The following KCNH8 variants were observed in gnomAD, a reference collection of about 807,000 sequenced individuals.
KCNH8 encodes potassium voltage-gated channel subfamily H member 8.
Under a neutral mutation model 103.6 loss-of-function variants are expected in KCNH8, and 70 were observed. The observed-to-expected ratio is 0.68, with a 90% CI of 0.56 to 0.82. The LOEUF (loss-of-function observed/expected upper bound fraction) is 0.82, where lower values mean the gene tolerates loss of function less well. Among genes scored for constraint, KCNH8 ranks in the 40% least tolerant of loss-of-function variants. The pLI is 0.00. For missense variants in KCNH8, 1,217 were observed against 1,329.9 expected (o/e 0.92, Z 1.32); for synonymous variants, 498 against 489.4 (o/e 1.02, Z -0.23).
intron 3 of KCNH8, 56 bp downstream of exon 3, chr3:19,281,385 A>G: frequency 1.3e-6 from 2 of 1,492,068 alleles, no homozygotes; most frequent in Non-Finnish European, 1.8e-6. Context: ...GAAATTGTTT[A>G]CTTAAAAACT....
chr3:19,429,680 T>C (rs1049418126), intron 7 of KCNH8, among the ~76,000 whole-genome samples: 5 of 152,190 alleles, frequency 3.3e-5, no homozygotes, highest in Admixed American at 6.5e-5. Context: ...ACCCAGGTAT[T>C]AAGCCTAGTA....
chr3:19,483,442 GC>G (rs750726537), intron 11 of KCNH8, among the ~76,000 whole-genome samples: 25 of 152,100 alleles, frequency 1.6e-4, no homozygotes, highest in South Asian at 1.2e-3. Context: ...AATAATTGAG[GC>G]TTTTAGGACT....
intron 3 of KCNH8, among the ~76,000 whole-genome samples, chr3:19,330,878 G>T (rs1413013178): frequency 6.6e-6 from 1 of 152,006 alleles, no homozygotes; most frequent in Non-Finnish European, 1.5e-5. Flanking sequence ...CTAGTTTTTT[G>T]AACTACCTTT....
intron 3 of KCNH8, among the ~76,000 whole-genome samples, chr3:19,295,583 A>G (rs945785637): frequency 4.6e-5 from 7 of 152,124 alleles, no homozygotes; most frequent in African/African-American, 1.4e-4. Context: ...TGATACTGTC[A>G]TGGATGATAA....
rs961360968 is a variant in KCNH8, at chr3:19,436,315, C to T, written c.1178-1849C>T. Reference sequence around the variant, plus strand: ...AAAAATTTGAGCAGAAACAGGCTGTCCTAGGACATCCTTTCCTTTAGAGAC... The same window carrying T: ...AAAAATTTGAGCAGAAACAGGCTGTTCTAGGACATCCTTTCCTTTAGAGAC... On this transcript the variant is annotated intron_variant, in intron 7 of 15. Coordinates refer to ENST00000328405, the MANE Select transcript of KCNH8 (RefSeq NM_144633.3). 9.2e-5 allele frequency among the ~76,000 whole-genome samples: 14 copies of T among 152,014 alleles called. 1 individual carries two copies. Among genetic ancestry groups the T allele is most frequent in the African/African-American group, 3.4e-4 (14 of 41,398 alleles).
chr3:19,419,268 C>T (rs1474782251), intron 7 of KCNH8, among the ~76,000 whole-genome samples: 1 of 139,804 alleles, frequency 7.2e-6, no homozygotes, highest in East Asian at 2.3e-4. Flanking sequence ...GGCGCGATCT[C>T]GGCTCACTGC....
chr3:19,392,332 A>AG (rs2066450567), intron 6 of KCNH8, among the ~76,000 whole-genome samples: 1 of 148,310 alleles, frequency 6.7e-6, no homozygotes, highest in Non-Finnish European at 1.5e-5. Flanking sequence ...AAAAAAAAAA[A>AG]AAGAAAAGAA....
chr3:19,174,706 T>G (rs1559408828), intron 1 of KCNH8, among the ~76,000 whole-genome samples: 1 of 152,202 alleles, frequency 6.6e-6, no homozygotes, highest in Non-Finnish European at 1.5e-5. Flanking sequence ...AAGTAAAGAA[T>G]AAATAATCAC....
chr3:19,472,098 C>T (rs2067870832), intron 11 of KCNH8, among the ~76,000 whole-genome samples: 1 of 151,434 alleles, frequency 6.6e-6, no homozygotes, highest in Admixed American at 6.6e-5. Flanking sequence ...AGAACAGTTA[C>T]TGTATTTTAA....
At chr3:19,198,615 A>T (rs2063625757) in intron 1 of KCNH8, among the ~76,000 whole-genome samples, 1 of 152,052 alleles carries the variant, frequency 6.6e-6, no homozygotes, top group Non-Finnish European at 1.5e-5. Flanking sequence ...TATAGAAGTA[A>T]GGATATATTT....
At chr3:19,221,857 T>G (rs2063878425) in intron 1 of KCNH8, among the ~76,000 whole-genome samples, 1 of 151,946 alleles carries the variant, frequency 6.6e-6, no homozygotes, top group Non-Finnish European at 1.5e-5. Flanking sequence ...TTTTTTTTTT[T>G]TCCTTCTTGA....
At chr3:19,197,110 G>A (rs1440691439) in intron 1 of KCNH8, among the ~76,000 whole-genome samples, 2 of 151,902 alleles carry the variant, frequency 1.3e-5, no homozygotes, top group Non-Finnish European at 2.9e-5. Flanking sequence ...TGCTTTACAA[G>A]CTACTGAAAG....
At chr3:19,474,706 A>G (rs2067934320) in intron 11 of KCNH8, among the ~76,000 whole-genome samples, 2 of 152,226 alleles carry the variant, frequency 1.3e-5, no homozygotes, top group South Asian at 4.1e-4. Flanking sequence ...TTAATGATGT[A>G]ATTCCACTTG....
At chr3:19,457,268 C>T (rs1227040775) in intron 11 of KCNH8, among the ~76,000 whole-genome samples, 6 of 151,950 alleles carry the variant, frequency 3.9e-5, no homozygotes, top group Admixed American at 2.6e-4. Flanking sequence ...TTATATATAA[C>T]ATTAGGTAGA....
intron 11 of KCNH8, among the ~76,000 whole-genome samples, chr3:19,491,550 TG>T (rs767471695): frequency 6.6e-5 from 10 of 152,230 alleles, no homozygotes; most frequent in Non-Finnish European, 1.3e-4. Context: ...TTTATCACTG[TG>T]GTGGATATGT....
Position 19,424,315 on chromosome 3 carries a change from C to T in KCNH8, c.1178-13849C>T, listed in dbSNP as rs376642034. ...TCCCAGAAATAAACCCAAATACTTACAACCAACTGATCTTCAACAAAGCAA... is the reference window on the plus strand; with the variant it reads ...TCCCAGAAATAAACCCAAATACTTATAACCAACTGATCTTCAACAAAGCAA... On this transcript the variant is annotated intron_variant, in intron 7 of 15. Coordinates refer to ENST00000328405, the MANE Select transcript of KCNH8 (RefSeq NM_144633.3). Among the ~76,000 whole-genome samples the T allele has an allele frequency of 1.2e-3, 183 of 152,184 alleles. 1 individual carries two copies. Among genetic ancestry groups the T allele is most frequent in the African/African-American group, 4.0e-3 (168 of 41,532 alleles).
At chr3:19,268,251 CAG>C (rs1553631621) in intron 2 of KCNH8, among the ~76,000 whole-genome samples, 1 of 151,994 alleles carries the variant, frequency 6.6e-6, no homozygotes, top group Non-Finnish European at 1.5e-5. Flanking sequence ...TAGAGAATAA[CAG>C]GGGGATCTGA....
At chr3:19,324,626 T>G (rs904685236) in intron 3 of KCNH8, among the ~76,000 whole-genome samples, 1 of 152,116 alleles carries the variant, frequency 6.6e-6, no homozygotes, top group Non-Finnish European at 1.5e-5. Context: ...GAATACAGCT[T>G]GCTAGGGGGG....
chr3:19,472,596 T>C (rs1432583517), intron 11 of KCNH8, among the ~76,000 whole-genome samples: 1 of 152,172 alleles, frequency 6.6e-6, no homozygotes, highest in Non-Finnish European at 1.5e-5. Flanking sequence ...CATGTGGGAC[T>C]GTAAGTCCGT....
Sources: allele counts gnomAD v4.1 joint callset (sites outside exome capture counted in the v4.1 genomes callset), GRCh38; gene constraint gnomAD v4.1.1; transcripts MANE v1.5; gene names NCBI Gene and HGNC (gene_info 2026-07-23, HGNC 2026-07-21).